SLC15A1: variants seen among roughly 807,000 people sequenced by gnomAD.
SLC15A1 encodes Caco-2 oligopeptide transporter.
A neutral mutation model predicts 92.9 loss-of-function variants in SLC15A1; 83 were observed. The ratio of observed to expected loss-of-function variants is 0.89; its 90% CI spans 0.75 to 1.07. The LOEUF (loss-of-function observed/expected upper bound fraction) is 1.07, where lower values mean the gene tolerates loss of function less well. SLC15A1 is among the 50% of genes least tolerant of loss of function. SLC15A1 has a pLI of 0.00. For synonymous variants in SLC15A1, 322 were observed against 318.2 expected, an observed-to-expected ratio of 1.01 and a Z score of -0.13; for missense variants, 857 against 880.1, an observed-to-expected ratio of 0.97 and a Z score of 0.33.
chr13:98,706,923 A>T (rs2088117544), intron 15 of SLC15A1, among the ~76,000 whole-genome samples: 1 of 151,682 alleles, frequency 6.6e-6, no homozygotes, highest in South Asian at 2.1e-4. Context: ...AACCTAAACA[A>T]ATATCCTTCT....
intron 1 of SLC15A1, among the ~76,000 whole-genome samples, chr13:98,749,668 C>T (rs1008848156): frequency 1.3e-5 from 2 of 152,196 alleles, no homozygotes; most frequent in Admixed American, 6.5e-5. Context: ...GGGAAAAGAA[C>T]ATCTCTCCAC....
intron 1 of SLC15A1, among the ~76,000 whole-genome samples, chr13:98,735,312 A>C (rs1043860358): frequency 6.6e-6 from 1 of 152,226 alleles, no homozygotes; most frequent in African/African-American, 2.4e-5. Context: ...ACTCTCAATA[A>C]ACTAGGTATT....
chr13:98,707,924 A>G (rs2139578514), intron 15 of SLC15A1, among the ~76,000 whole-genome samples: 1 of 140,332 alleles, frequency 7.1e-6, no homozygotes, highest in Non-Finnish European at 1.5e-5. Flanking sequence ...AAAAAAAAGA[A>G]TACGGTAAAT....
intron 18 of SLC15A1, among the ~76,000 whole-genome samples, chr13:98,698,944 T>G (rs2088045038): frequency 6.6e-6 from 1 of 152,112 alleles, no homozygotes; most frequent in Non-Finnish European, 1.5e-5. Context: ...CCTACTCTCA[T>G]TCCCCCCAGT....
rs112451154 is a variant in SLC15A1, at chr13:98,728,654, C to T, written c.5-1795G>A. Among the ~76,000 whole-genome samples the T allele has an allele frequency of 8.8e-3, 1,344 of 152,090 alleles. 7 individuals are homozygous for T. Among genetic ancestry groups the T allele is most frequent in the South Asian group, 0.034 (162 of 4,814 alleles). On this transcript the variant is annotated intron_variant, in intron 1 of 22. Transcript: ENST00000376503. ...AGAGCTGGTGTTTGGTAGCACAACA[C>T]GGTGACTACAGTTAACAAAAATTTA...
intron 20 of SLC15A1, 137 bp downstream of exon 20, chr13:98,688,111 A>G (rs1460660116): frequency 1.6e-6 from 1 of 634,652 alleles, no homozygotes; most frequent in Non-Finnish European, 2.7e-6. Context: ...TTAGCCAAGC[A>G]AATTAATTCT....
intron 18 of SLC15A1, among the ~76,000 whole-genome samples, chr13:98,697,230 A>G (rs971542679): frequency 5.9e-5 from 9 of 151,932 alleles, no homozygotes; most frequent in African/African-American, 1.5e-4. Flanking sequence ...TAATTTTTGT[A>G]TTTTTAGTAG....
chr13:98,750,847 G>A (rs1461187037), intron 1 of SLC15A1, among the ~76,000 whole-genome samples: 1 of 151,158 alleles, frequency 6.6e-6, no homozygotes, highest in Non-Finnish European at 1.5e-5. Flanking sequence ...CGTCTCCTGG[G>A]TTCAAGCAAT....
In SLC15A1 at chr13:98,726,356, C is replaced by T; in HGVS notation, c.103+12G>A. 1 of 1,614,086 alleles carries T rather than the reference C, an allele frequency of 6.2e-7. No individual in the cohort carries two copies. The highest frequency in any genetic ancestry group is 8.5e-7 in the Non-Finnish European group (1 of 1,179,982). On this transcript the variant is annotated intron_variant, in intron 3 of 22. Transcript: ENST00000376503. ...TCTTCCCTGAAGGGTGAGAAACGGC[C>T]AATACAGTTACCTCGCATTCCATAG...
intron 9 of SLC15A1, 100 bp downstream of exon 9, chr13:98,715,778 T>C (rs745655790): frequency 8.4e-6 from 8 of 952,618 alleles, no homozygotes; most frequent in Middle Eastern, 2.4e-4. Context: ...ACACTAAAAA[T>C]ATATTTAAAG....
At chr13:98,745,188 C>T (rs75805241) in intron 1 of SLC15A1, among the ~76,000 whole-genome samples, 3,042 of 152,174 alleles carry the variant, frequency 0.02, 108 homozygotes, top group African/African-American at 0.069. Context: ...CTAAGTGGAC[C>T]GTTTACAGTT....
At chr13:98,743,150 T>C (rs2088463255) in intron 1 of SLC15A1, among the ~76,000 whole-genome samples, 2 of 152,216 alleles carry the variant, frequency 1.3e-5, no homozygotes, top group Non-Finnish European at 2.9e-5. Context: ...GTCATCATAG[T>C]GAATTACATC....
At chr13:98,749,695 C>T (rs1412834400) in intron 1 of SLC15A1, among the ~76,000 whole-genome samples, 2 of 152,172 alleles carry the variant, frequency 1.3e-5, no homozygotes, top group African/African-American at 4.8e-5. Flanking sequence ...CTCTGAGAAC[C>T]ACACAGATAC....
intron 17 of SLC15A1, among the ~76,000 whole-genome samples, chr13:98,703,411 A>G (rs2088085509): frequency 6.6e-6 from 1 of 152,138 alleles, no homozygotes; most frequent in Non-Finnish European, 1.5e-5. Flanking sequence ...CTAATTAAGC[A>G]AATGACCAAG....
chr13:98,745,694 C>A (rs1247525654), intron 1 of SLC15A1, among the ~76,000 whole-genome samples: 1 of 152,268 alleles, frequency 6.6e-6, no homozygotes, highest in Admixed American at 6.5e-5. Context: ...GGGAGTGTGG[C>A]CCTGCTGACC....
chr13:98,745,892 C>T (rs1362558093), intron 1 of SLC15A1, among the ~76,000 whole-genome samples: 11 of 151,014 alleles, frequency 7.3e-5, no homozygotes, highest in East Asian at 3.9e-4. Flanking sequence ...ATTTTAACTT[C>T]GATTTTAGGG....
chr13:98,734,108 G>A (rs2088371115), intron 1 of SLC15A1, among the ~76,000 whole-genome samples: 1 of 152,172 alleles, frequency 6.6e-6, no homozygotes, highest in Non-Finnish European at 1.5e-5. Context: ...TGGGATTACA[G>A]GTGTGTGCCA....
intron 18 of SLC15A1, among the ~76,000 whole-genome samples, chr13:98,699,140 T>G (rs942030638): frequency 6.6e-6 from 1 of 152,228 alleles, no homozygotes; most frequent in African/African-American, 2.4e-5. Flanking sequence ...ATGTGTTCTG[T>G]GTCCCTGGAG....
intron 8 of SLC15A1, among the ~76,000 whole-genome samples, chr13:98,718,051 G>A (rs571085827): frequency 3.3e-5 from 5 of 152,064 alleles, no homozygotes; most frequent in South Asian, 2.1e-4. Context: ...TATGGGGGGC[G>A]GGGGGAGGTG....
Sources: allele counts gnomAD v4.1 joint callset (sites outside exome capture counted in the v4.1 genomes callset), GRCh38; gene constraint gnomAD v4.1.1; transcripts MANE v1.5; gene names NCBI Gene and HGNC (gene_info 2026-07-23, HGNC 2026-07-21).